ZNF716: variants seen among roughly 807,000 people sequenced by gnomAD.
ZNF716 encodes the protein zinc finger protein 716.
ZNF716 carries 9 observed loss-of-function variants against 13.4 expected under a neutral mutation model. That is an observed-to-expected ratio of 0.67 (90% CI 0.41 to 1.18). ZNF716 has a LOEUF of 1.18. ZNF716 is among the 50% of genes most tolerant of loss of function. The probability of loss-of-function intolerance (pLI) is 0.01; values close to 1 mark genes in which losing one functional copy is unlikely to be tolerated. For synonymous variants in ZNF716, 186 were observed against 195.2 expected (o/e 0.95, Z 0.39); for missense variants, 581 against 576.6 (o/e 1.01, Z -0.08).
chr7:57,470,023 G>C lies in ZNF716; in HGVS notation c.*74G>C. On this transcript the variant is annotated 3_prime_UTR_variant, in exon 4 of 4. Coordinates refer to ENST00000420713, the MANE Select transcript of ZNF716 (RefSeq NM_001159279.1). ...ACTGGAAAAAATCACTACAAGTGTGGAGAATGTGGCCAATTCTTTAACCAG... is the reference window on the plus strand; with the variant it reads ...ACTGGAAAAAATCACTACAAGTGTGCAGAATGTGGCCAATTCTTTAACCAG... The C allele has an allele frequency of 7.2e-7, 1 of 1,384,428 alleles. No homozygotes were observed. Among genetic ancestry groups the C allele is most frequent in the South Asian group, 1.6e-5 (1 of 64,296 alleles). The allele number at this position is 1,384,428 out of a possible 1,614,324, so 85.8% of individuals were successfully genotyped here.
chr7:57,452,633 G>T (rs1362806961), intron 1 of ZNF716, among the ~76,000 whole-genome samples: 1 of 151,878 alleles, frequency 6.6e-6, no homozygotes, highest in African/African-American at 2.4e-5. Context: ...TTGAGACTCT[G>T]TCTCAGAAAG....
At chr7:57,462,838 T>G (rs1554323379) in intron 2 of ZNF716, among the ~76,000 whole-genome samples, 1 of 152,178 alleles carries the variant, frequency 6.6e-6, no homozygotes, top group Non-Finnish European at 1.5e-5. Flanking sequence ...AAAATATCAT[T>G]GCCCACAATT....
In ZNF716 at chr7:57,472,499, C is replaced by T. The variant is rs1789961428; in HGVS notation, c.*2550C>T. The T allele has an allele frequency of 2.0e-5, 3 of 152,178 alleles. No homozygotes were observed. In the South Asian group the frequency reaches 6.2e-4, roughly 32 times the overall value. The allele number at this position is 152,178 out of a possible 1,614,324, so 9.4% of individuals were successfully genotyped here. ...TTGTTTGTTTTGAGACTAAGTCTTA[C>T]TCTGTCACCCAGACTGGGGTGCAGT... On this transcript the variant is annotated 3_prime_UTR_variant, in exon 4 of 4. Transcript: ENST00000420713.
chr7:57,460,692 G>A (rs781766953), intron 1 of ZNF716, among the ~76,000 whole-genome samples: 3 of 152,154 alleles, frequency 2.0e-5, no homozygotes, highest in Non-Finnish European at 4.4e-5. Context: ...ATGAGAAGGT[G>A]TGGATACTCA....
Position 57,470,245 on chromosome 7 carries a change from A to G in ZNF716, c.*296A>G, listed in dbSNP as rs1447657590. On this transcript the variant is annotated 3_prime_UTR_variant, in exon 4 of 4. Coordinates refer to ENST00000420713, the MANE Select transcript of ZNF716 (RefSeq NM_001159279.1). ...AGTGGCACGATGTCAGCTCACTGCA[A>G]CCTCTGCCTCCTGGGTTCAAGCGAT... The G allele has an allele frequency of 4.8e-6, 1 of 208,120 alleles. No homozygotes were observed. The highest frequency in any genetic ancestry group is 2.4e-5 in the African/African-American group (1 of 42,462). 12.9% of individuals were successfully genotyped at this position (208,120 alleles called of 1,614,324 possible).
chr7:57,450,213 T>C lies in ZNF716; in HGVS notation c.-76T>C. 6.2e-7 allele frequency: 1 copy of C among 1,605,304 alleles called. No homozygotes were observed. ...TCTGCGCCCAGAGCTCCAGTCCTTC[T>C]CTTCACTGCTCTGCGTCCTCTGCTC... On this transcript the variant is annotated 5_prime_UTR_variant, in exon 1 of 4. Coordinates refer to ENST00000420713, the MANE Select transcript of ZNF716 (RefSeq NM_001159279.1).
intron 3 of ZNF716, among the ~76,000 whole-genome samples, chr7:57,463,898 A>T (rs556695689): frequency 6.6e-6 from 1 of 152,156 alleles, no homozygotes; most frequent in African/African-American, 2.4e-5. Context: ...CAGCTTACAC[A>T]GGTTTCAATT....
intron 1 of ZNF716, among the ~76,000 whole-genome samples, chr7:57,451,154 G>A (rs1554321489): frequency 6.6e-6 from 1 of 151,964 alleles, no homozygotes. Context: ...GGAGTAGCTG[G>A]GATTACAGAC....
chr7:57,468,622 C>T, intron 3 of ZNF716, 102 bp from the exon 4 acceptor site: 1 of 1,194,560 alleles, frequency 8.4e-7, no homozygotes, highest in South Asian at 1.6e-5. Flanking sequence ...TTTGATATGC[C>T]ATTTTGCTAA....
intron 3 of ZNF716, 119 bp downstream of exon 3, chr7:57,463,287 C>T: frequency 7.2e-7 from 1 of 1,391,948 alleles, no homozygotes; most frequent in East Asian, 2.3e-5. Flanking sequence ...TCTGAGAAGC[C>T]AGAGTCATTT....
At chr7:57,464,630 A>G (rs1188473015) in intron 3 of ZNF716, among the ~76,000 whole-genome samples, 1 of 152,110 alleles carries the variant, frequency 6.6e-6, no homozygotes, top group Non-Finnish European at 1.5e-5. Flanking sequence ...TTGTTGCTCA[A>G]GCATTTGATG....
Position 57,469,577 on chromosome 7 carries a change from G to C in ZNF716, c.1116G>C (p.Arg372Ser). ...TFSSTLNTHK[R>S]IHTGEKPYTC... ...CCTCAACTCTAAATACTCATAAGAG[G>C]ATTCATACTGGAGAGAAACCCTACA... Residue 372 changes from arginine (R) to serine (S), a missense_variant, in exon 4 of 4, where the codon AGG becomes AGC. By Grantham distance (110) the Arg-to-Ser change is moderately radical. Coordinates refer to ENST00000420713, the MANE Select transcript of ZNF716 (RefSeq NM_001159279.1). 6.3e-7 allele frequency: 1 copy of C among 1,597,546 alleles called. No homozygotes were observed. The highest frequency in any genetic ancestry group is 8.5e-7 in the Non-Finnish European group (1 of 1,173,912).
chr7:57,472,759 G>T lies in ZNF716; in HGVS notation c.*2810G>T, dbSNP rs1789968510. ...TGGGATTACAGGCATGAGCCACCAT[G>T]CCTGGCCTACTAGAGGTTTTACACA... On this transcript the variant is annotated 3_prime_UTR_variant, in exon 4 of 4. Transcript: ENST00000420713. The T allele has an allele frequency of 6.6e-6, 1 of 152,114 alleles. No individual in the cohort carries two copies. Among genetic ancestry groups the T allele is most frequent in the Non-Finnish European group, 1.5e-5 (1 of 68,036 alleles). The allele number at this position is 152,114 out of a possible 1,614,324, so 9.4% of individuals were successfully genotyped here.
chr7:57,458,427 CT>C (rs1368061948), intron 1 of ZNF716, among the ~76,000 whole-genome samples: 4 of 148,148 alleles, frequency 2.7e-5, no homozygotes, highest in African/African-American at 5.0e-5. Flanking sequence ...TCTTTCTTTT[CT>C]TTTTTTTTTC....
intron 2 of ZNF716, 101 bp downstream of exon 2, chr7:57,462,687 C>G (rs1217973017): frequency 3.0e-6 from 4 of 1,346,716 alleles, no homozygotes; most frequent in Non-Finnish European, 4.1e-6. Flanking sequence ...TTTTAGCTCT[C>G]CAGTTTTAAG....
At chr7:57,459,768 A>G (rs1329391287) in intron 1 of ZNF716, among the ~76,000 whole-genome samples, 2 of 152,220 alleles carry the variant, frequency 1.3e-5, no homozygotes, top group African/African-American at 2.4e-5. Context: ...CCATTACTGT[A>G]AAGAACATTG....
chr7:57,460,610 T>C (rs146808294), intron 1 of ZNF716, among the ~76,000 whole-genome samples: 1 of 152,302 alleles, frequency 6.6e-6, no homozygotes, highest in African/African-American at 2.4e-5. Flanking sequence ...CGGGTTCTTG[T>C]ATCCATGCAG....
intron 1 of ZNF716, among the ~76,000 whole-genome samples, chr7:57,457,618 A>G (rs374364227): frequency 6.6e-6 from 1 of 152,192 alleles, no homozygotes; most frequent in South Asian, 2.1e-4. Context: ...TGCTGGGATT[A>G]CAGTCATGAG....
At chr7:57,466,179 G>C (rs1277838630) in intron 3 of ZNF716, among the ~76,000 whole-genome samples, 1 of 131,280 alleles carries the variant, frequency 7.6e-6, no homozygotes, top group African/African-American at 2.6e-5. Context: ...AAAACTTAAA[G>C]TATAATAATA....
Sources: gnomAD v4.1 joint callset for allele counts (sites outside exome capture counted in the v4.1 genomes callset) on GRCh38, gnomAD v4.1.1 for gene constraint, MANE v1.5 for transcripts, NCBI Gene and HGNC (gene_info 2026-07-23, HGNC 2026-07-21) for gene names.